The following CRACDL variants were observed in gnomAD, a reference collection of about 807,000 sequenced individuals.
CRACDL encodes the protein CRACD like.
Under a neutral mutation model 70.6 loss-of-function variants are expected in CRACDL, and 26 were observed. The ratio of observed to expected loss-of-function variants is 0.37; its 90% CI spans 0.27 to 0.51. The LOEUF (loss-of-function observed/expected upper bound fraction) is 0.51, where lower values mean the gene tolerates loss of function less well. CRACDL is among the 20% of genes least tolerant of loss of function. The probability of loss-of-function intolerance (pLI) is 0.94; values close to 1 mark genes in which losing one functional copy is unlikely to be tolerated. For missense variants in CRACDL, 1,283 were observed against 1,376.9 expected, an observed-to-expected ratio of 0.93 and a Z score of 1.08; for synonymous variants, 618 against 615.2, an observed-to-expected ratio of 1.00 and a Z score of -0.07.
At chr2:98,819,308 C>A (rs1399737655) in intron 7 of CRACDL, among the ~76,000 whole-genome samples, 1 of 152,188 alleles carries the variant, frequency 6.6e-6, no homozygotes, top group African/African-American at 2.4e-5. Flanking sequence ...AAGTTCCATT[C>A]ATTTAGCAAG....
chr2:98,921,173 A>C (rs1708793357), intron 1 of CRACDL, among the ~76,000 whole-genome samples: 1 of 152,212 alleles, frequency 6.6e-6, no homozygotes, highest in Non-Finnish European at 1.5e-5. Context: ...TATGGCCCAG[A>C]CGTGCTCAGG....
chr2:98,896,268 G>A (rs1317365291), intron 1 of CRACDL, among the ~76,000 whole-genome samples: 3 of 152,192 alleles, frequency 2.0e-5, no homozygotes, highest in Non-Finnish European at 4.4e-5. Context: ...GGAGTCCCTC[G>A]CTGAGACAAG....
chr2:98,812,800 T>G (rs2104440812), intron 7 of CRACDL, among the ~76,000 whole-genome samples: 1 of 152,246 alleles, frequency 6.6e-6, no homozygotes, highest in Admixed American at 6.5e-5. Flanking sequence ...TATCTTTTCT[T>G]GCAGTTTGTA....
intron 1 of CRACDL, among the ~76,000 whole-genome samples, chr2:98,889,685 C>T (rs902704317): frequency 6.6e-6 from 1 of 152,146 alleles, no homozygotes. Flanking sequence ...CTATAGAATA[C>T]TCATCCAGTA....
intron 2 of CRACDL, among the ~76,000 whole-genome samples, chr2:98,839,414 T>G (rs910319612): frequency 2.0e-5 from 3 of 152,264 alleles, no homozygotes; most frequent in Non-Finnish European, 4.4e-5. Flanking sequence ...TGAGCATTTA[T>G]GATTTTGAAA....
chr2:98,922,388 C>T (rs1708824199), intron 1 of CRACDL, among the ~76,000 whole-genome samples: 3 of 148,160 alleles, frequency 2.0e-5, no homozygotes, highest in Non-Finnish European at 3.0e-5. Context: ...TGCAGTGATC[C>T]GAGATCCCGC....
chr2:98,874,608 G>A lies in CRACDL; in HGVS notation c.-10-27798C>T, dbSNP rs964430012. On this transcript the variant is annotated intron_variant, in intron 1 of 9. Coordinates refer to ENST00000397899, the MANE Select transcript of CRACDL (RefSeq NM_207362.3). ...GGACCTGTGTGGTGACCTCCTCCAC[G>A]GCCTCCAAAAATCCACACTGTGGAA... 2.0e-5 allele frequency among the ~76,000 whole-genome samples: 3 copies of A among 152,178 alleles called. No homozygotes were observed. In the South Asian group the frequency reaches 6.2e-4, roughly 32 times the overall value.
At chr2:98,915,383 C>T (rs1270734107) in intron 1 of CRACDL, among the ~76,000 whole-genome samples, 1 of 152,210 alleles carries the variant, frequency 6.6e-6, no homozygotes, top group Non-Finnish European at 1.5e-5. Flanking sequence ...CCTCCTGGAA[C>T]CCTCAGAGAT....
chr2:98,896,532 T>G (rs989649788), intron 1 of CRACDL, among the ~76,000 whole-genome samples: 4 of 152,180 alleles, frequency 2.6e-5, no homozygotes, highest in African/African-American at 9.7e-5. Context: ...TCCACAATCT[T>G]TTATGCAGCA....
At position 98,821,714 on chromosome 2, in the gene CRACDL, A is replaced by G. The variant is rs980124936; in HGVS notation, c.2416+143T>C. The G allele has an allele frequency of 1.5e-5, 16 of 1,100,274 alleles. No homozygotes were observed. In the African/African-American group the frequency reaches 2.1e-4, roughly 15 times the overall value. 68.2% of individuals were successfully genotyped at this position (1,100,274 alleles called of 1,614,324 possible). A position where few individuals can be genotyped will look rare whatever the true frequency, so the allele number is the denominator to read the frequency against. ...ACAAGCTTGCTCTAGATCAGACATG[A>G]TGTTAGTGGGAATTCTGACTCCTTC... is the stretch of plus-strand genomic sequence containing the variant. On this transcript the variant is annotated intron_variant, in intron 7 of 9. Coordinates refer to ENST00000397899, the MANE Select transcript of CRACDL (RefSeq NM_207362.3).
rs998027565 is a variant in CRACDL at position 98,822,551 on chromosome 2, G to A, written c.1722C>T (p.Phe574=). The A allele has an allele frequency of 1.1e-5, 16 of 1,468,120 alleles. No individual in the cohort carries two copies. The highest frequency in any genetic ancestry group is 4.9e-5 in the Admixed American group (2 of 40,528). 90.9% of individuals were successfully genotyped at this position (1,468,120 alleles called of 1,614,324 possible). ...GCCGCGCTCGGCACGAGGACACCGA[G>A]AACTTCTTCGCGCCTCGCAGCTCGG... The part of the protein sequence containing the change: ...GGAELRGAKK[F]SVSSCRARPR... Residue 574 remains phenylalanine, a synonymous_variant, in exon 7 of 10, where the codon TTC becomes TTT. Transcript: ENST00000397899. This position sits in a 1 kb window ranked among gnomAD's most constrained non-coding sequence, Gnocchi z 4.9.
At chr2:98,798,196 T>C (rs532050748) in intron 7 of CRACDL, among the ~76,000 whole-genome samples, 2 of 152,162 alleles carry the variant, frequency 1.3e-5, no homozygotes, top group South Asian at 4.1e-4. Context: ...AATACAAAAA[T>C]TAGCTGGGCA....
At chr2:98,866,052 AG>A (rs1707126654) in intron 1 of CRACDL, among the ~76,000 whole-genome samples, 2 of 152,122 alleles carry the variant, frequency 1.3e-5, no homozygotes, top group Non-Finnish European at 2.9e-5. Flanking sequence ...CTTGTCAGAA[AG>A]GATAGCGAGG....
intron 1 of CRACDL, among the ~76,000 whole-genome samples, chr2:98,875,949 C>T (rs986713076): frequency 3.3e-5 from 5 of 152,200 alleles, no homozygotes; most frequent in African/African-American, 7.2e-5. Context: ...CATCACATGG[C>T]CTGCCGGCCT....
chr2:98,831,947 C>T (rs1390074061), intron 5 of CRACDL, among the ~76,000 whole-genome samples: 4 of 152,184 alleles, frequency 2.6e-5, no homozygotes, highest in Non-Finnish European at 1.5e-5. Context: ...CCATCAGAGC[C>T]TCAACTATCA....
chr2:98,890,226 G>C (rs1206067939), intron 1 of CRACDL, among the ~76,000 whole-genome samples: 2 of 152,044 alleles, frequency 1.3e-5, no homozygotes, highest in African/African-American at 4.8e-5. Flanking sequence ...TTAGTTCTTT[G>C]AAAAGACCAA....
chr2:98,880,529 C>T (rs948616288), intron 1 of CRACDL, among the ~76,000 whole-genome samples: 1 of 152,116 alleles, frequency 6.6e-6, no homozygotes, highest in Non-Finnish European at 1.5e-5. Flanking sequence ...GGCAGGTGGG[C>T]CCCCCCTTCT....
intron 1 of CRACDL, among the ~76,000 whole-genome samples, chr2:98,932,976 G>A (rs1451208299): frequency 6.6e-6 from 1 of 152,198 alleles, no homozygotes; most frequent in Non-Finnish European, 1.5e-5. Flanking sequence ...GTGGGGCTGA[G>A]GGGGCGTTCT....
intron 1 of CRACDL, among the ~76,000 whole-genome samples, chr2:98,918,451 T>C (rs984169868): frequency 6.7e-6 from 1 of 149,846 alleles, no homozygotes; most frequent in African/African-American, 2.5e-5. Context: ...AGGCTGAGAA[T>C]TGTTTGAACC....
Sources: gnomAD v4.1 joint callset for allele counts (sites outside exome capture counted in the v4.1 genomes callset) on GRCh38, gnomAD v4.1.1 for gene constraint, Gnocchi (gnomAD v3.1) non-coding constraint, MANE v1.5 for transcripts, NCBI Gene and HGNC (gene_info 2026-07-23, HGNC 2026-07-21) for gene names.